Variants in ZNF804A observed in about 807,000 individuals in gnomAD.
The protein encoded by ZNF804A is zinc finger protein 804A.
Under a neutral mutation model 16.5 loss-of-function variants are expected in ZNF804A, and 2 were observed. The observed-to-expected ratio is 0.12, with a 90% confidence interval of 0.05 to 0.38. ZNF804A has a LOEUF of 0.38. ZNF804A is among the 10% of genes least tolerant of loss of function. ZNF804A has a pLI of 0.99. For synonymous variants in ZNF804A, 534 were observed against 489.6 expected (o/e 1.09, Z -1.20); for missense variants, 1,473 against 1,390.7 (o/e 1.06, Z -0.94).
chr2:184,854,201 C>T (rs903943624), intron 1 of ZNF804A, among the ~76,000 whole-genome samples: 1 of 151,888 alleles, frequency 6.6e-6, no homozygotes, highest in African/African-American at 2.4e-5. Context: ...ATTTTTAGAG[C>T]TGATATGATG....
intron 1 of ZNF804A, among the ~76,000 whole-genome samples, chr2:184,846,028 A>C (rs576192861): frequency 6.6e-6 from 1 of 152,240 alleles, no homozygotes; most frequent in Admixed American, 6.5e-5. Context: ...AATAATACTA[A>C]GACAAATAAT....
intron 1 of ZNF804A, among the ~76,000 whole-genome samples, chr2:184,847,484 C>T (rs1438814181): frequency 6.6e-6 from 1 of 152,038 alleles, no homozygotes; most frequent in Non-Finnish European, 1.5e-5. Context: ...TATAATGAGA[C>T]AACAGCAAAG....
chr2:184,930,530 A>C (rs865880298), intron 2 of ZNF804A, among the ~76,000 whole-genome samples: 16 of 152,208 alleles, frequency 1.1e-4, no homozygotes, highest in African/African-American at 3.6e-4. Context: ...TCTATAAATC[A>C]TGTCAATTTA....
chr2:184,858,486 AGAGT>A (rs1695741095), intron 1 of ZNF804A, among the ~76,000 whole-genome samples: 1 of 150,886 alleles, frequency 6.6e-6, no homozygotes. Context: ...CCTATGCAAC[AGAGT>A]GAGACTCTGT....
chr2:184,625,362 A>G (rs1475772441), intron 1 of ZNF804A, among the ~76,000 whole-genome samples: 2 of 152,116 alleles, frequency 1.3e-5, no homozygotes, highest in East Asian at 1.9e-4. Flanking sequence ...GATTCCTTGG[A>G]AAATTAGTTA....
In ZNF804A at chr2:184,793,174, T is replaced by C. The variant is rs150797283; in HGVS notation, c.112-73195T>C. Among the ~76,000 whole-genome samples, 1,309 of 152,256 alleles carry C rather than the reference T, an allele frequency of 8.6e-3. 22 individuals carry two copies. The highest frequency in any genetic ancestry group is 0.03 in the African/African-American group (1,252 of 41,558). On this transcript the variant is annotated intron_variant, in intron 1 of 3. Coordinates refer to ENST00000302277, the MANE Select transcript of ZNF804A (RefSeq NM_194250.2). ...CATGTTTTCCTCATCCAACCTACCA[T>C]TGGTGGGCACCTGGGTTGATTCCAT...
At chr2:184,695,463 ATT>A in intron 1 of ZNF804A, among the ~76,000 whole-genome samples, 1 of 116,806 alleles carries the variant, frequency 8.6e-6, no homozygotes, top group Non-Finnish European at 1.8e-5. Context: ...AGACTCCGTC[ATT>A]AAAAAAAAAA....
chr2:184,935,989 A>G lies in ZNF804A; in HGVS notation c.593A>G (p.Asn198Ser). Residue 198 changes from asparagine to serine, a missense_variant, in exon 4 of 4, where the codon AAC becomes AGC. Asn to Ser is a conservative substitution (Grantham distance 46, BLOSUM62 1). Transcript: ENST00000302277. The stretch of plus-strand genomic sequence containing the variant: ...GCAAATAATTATACAGCAAAAAATA[A>G]CCAAGTTGGGGATCAAGCCCAGGGG... ...ESANNYTAKNNQVGDQAQGIH... is the reference protein window; with the variant it reads ...ESANNYTAKNSQVGDQAQGIH... The G allele has an allele frequency of 1.9e-6, 3 of 1,614,052 alleles. No homozygotes were observed. The highest frequency in any genetic ancestry group is 2.5e-6 in the Non-Finnish European group (3 of 1,179,954).
chr2:184,714,756 T>C (rs1260399689), intron 1 of ZNF804A, among the ~76,000 whole-genome samples: 1 of 152,180 alleles, frequency 6.6e-6, no homozygotes, highest in African/African-American at 2.4e-5. Context: ...AAACAACAAC[T>C]ATGTGCCATA....
intron 1 of ZNF804A, among the ~76,000 whole-genome samples, chr2:184,792,767 T>C (rs1181198862): frequency 6.6e-6 from 1 of 152,052 alleles, no homozygotes. Flanking sequence ...TCTAGGAGTT[T>C]TTCTTTTTTT....
chr2:184,685,531 G>A (rs1310387602), intron 1 of ZNF804A, among the ~76,000 whole-genome samples: 2 of 152,110 alleles, frequency 1.3e-5, no homozygotes, highest in Non-Finnish European at 2.9e-5. Flanking sequence ...ATTGGAGCAT[G>A]AGCAAGGCAG....
rs553260056 is a variant in ZNF804A, at chr2:184,604,468, C to T, written c.111+5398C>T. ...GATTACAGGCGTGAGCCACCGCGCT[C>T]GGCCACATTTTTAATGAAAATACAG... On this transcript the variant is annotated intron_variant, in intron 1 of 3. Coordinates refer to ENST00000302277, the MANE Select transcript of ZNF804A (RefSeq NM_194250.2). Among the ~76,000 whole-genome samples, 11 of 152,026 alleles carry T rather than the reference C, an allele frequency of 7.2e-5. No individual in the cohort carries two copies. In the South Asian group the frequency reaches 1.9e-3, roughly 26 times the overall value.
chr2:184,672,791 G>T (rs567000800), intron 1 of ZNF804A, among the ~76,000 whole-genome samples: 1 of 151,638 alleles, frequency 6.6e-6, no homozygotes, highest in Non-Finnish European at 1.5e-5. Flanking sequence ...ACCCAGGCTG[G>T]AGTGCAGTGG....
Position 184,654,170 on chromosome 2 carries a change from T to A in ZNF804A, c.111+55100T>A, listed in dbSNP as rs562193253. Among the ~76,000 whole-genome samples the A allele has an allele frequency of 8.5e-5, 13 of 152,364 alleles. No homozygotes were observed. In the South Asian group the frequency reaches 1.9e-3, roughly 22 times the overall value. ...AGATACAGCCTATATCTTCAGCTTT[T>A]GCTATAGCCCGGTTCTGATGCCATC... On this transcript the variant is annotated intron_variant, in intron 1 of 3. Transcript: ENST00000302277.
chr2:184,844,070 A>G (rs1695477688), intron 1 of ZNF804A, among the ~76,000 whole-genome samples: 1 of 152,006 alleles, frequency 6.6e-6, no homozygotes, highest in Admixed American at 6.6e-5. Flanking sequence ...TGGTTGATTT[A>G]GAGTTTACAA....
intron 1 of ZNF804A, among the ~76,000 whole-genome samples, chr2:184,733,098 T>C (rs1693546153): frequency 6.6e-6 from 1 of 152,154 alleles, no homozygotes; most frequent in Non-Finnish European, 1.5e-5. Context: ...ATCTTTGTTT[T>C]GTTCCTGATC....
intron 1 of ZNF804A, among the ~76,000 whole-genome samples, chr2:184,663,599 G>C (rs527952577): frequency 6.6e-6 from 1 of 152,286 alleles, no homozygotes; most frequent in East Asian, 1.9e-4. Flanking sequence ...CTTCAAGCCA[G>C]GGATGGCCGG....
In ZNF804A at chr2:184,743,889, G is replaced by A. The variant is rs185933901; in HGVS notation, c.112-122480G>A. 2.6e-5 allele frequency among the ~76,000 whole-genome samples: 4 copies of A among 152,022 alleles called. No individual in the cohort carries two copies. In the East Asian group the frequency reaches 7.7e-4, roughly 29 times the overall value. On this transcript the variant is annotated intron_variant, in intron 1 of 3. Transcript: ENST00000302277. ...TTCAAAACAGACATGAAGTATAAAA[G>A]CCTAAGGTGAAGGGATTTAGTAGTA...
At chr2:184,893,045 A>G (rs1365499271) in intron 2 of ZNF804A, among the ~76,000 whole-genome samples, 3 of 152,160 alleles carry the variant, frequency 2.0e-5, no homozygotes, top group Non-Finnish European at 4.4e-5. Context: ...TATCACACCT[A>G]AAGTTTAGAA....
Sources: gnomAD v4.1 joint callset for allele counts (sites outside exome capture counted in the v4.1 genomes callset) on GRCh38, gnomAD v4.1.1 for gene constraint, MANE v1.5 for transcripts, NCBI Gene and HGNC (gene_info 2026-07-23, HGNC 2026-07-21) for gene names.